Variants in TCF7L1 observed in about 807,000 individuals in gnomAD.
TCF7L1 encodes transcription factor 7 like 1, also known as transcription factor 7-like 1.
Under a neutral mutation model 63.7 loss-of-function variants are expected in TCF7L1, and 18 were observed. The observed-to-expected ratio is 0.28, with a 90% CI of 0.20 to 0.42. TCF7L1 has a LOEUF of 0.42. TCF7L1 is among the 10% of genes least tolerant of loss of function. The probability of loss-of-function intolerance (pLI) is 1.00; values close to 1 mark genes in which losing one functional copy is unlikely to be tolerated. For missense variants in TCF7L1, 654 were observed against 779.3 expected, an observed-to-expected ratio of 0.84 and a Z score of 1.91; for synonymous variants, 355 against 340.9, an observed-to-expected ratio of 1.04 and a Z score of -0.46.
intron 3 of TCF7L1, among the ~76,000 whole-genome samples, chr2:85,252,383 C>T (rs936427333): frequency 3.3e-5 from 5 of 152,200 alleles, no homozygotes; most frequent in Admixed American, 6.5e-5. Flanking sequence ...GCAGTTATAC[C>T]CTGTGATAAT....
chr2:85,189,114 GA>G (rs1175446493), intron 3 of TCF7L1, among the ~76,000 whole-genome samples: 3 of 152,244 alleles, frequency 2.0e-5, no homozygotes, highest in Non-Finnish European at 2.9e-5. Context: ...CCAACTGGTG[GA>G]GGCTGCCCTT....
chr2:85,143,738 C>T (rs1297042025), intron 3 of TCF7L1, among the ~76,000 whole-genome samples: 1 of 152,226 alleles, frequency 6.6e-6, no homozygotes. Flanking sequence ...AGAAGGGCAG[C>T]TGACCTTTGT....
At chr2:85,294,882 A>C (rs770040545) in intron 4 of TCF7L1, among the ~76,000 whole-genome samples, 14 of 151,912 alleles carry the variant, frequency 9.2e-5, no homozygotes, top group Non-Finnish European at 1.6e-4. Context: ...AAAATAAAAA[A>C]AATTAGCCGG....
intron 3 of TCF7L1, among the ~76,000 whole-genome samples, chr2:85,197,819 A>AG (rs1170382115): frequency 1.3e-5 from 2 of 152,202 alleles, no homozygotes; most frequent in African/African-American, 4.8e-5. Context: ...GGTTGTGCAG[A>AG]GTGGCCAGGG....
Position 85,134,377 on chromosome 2 carries a change from C to A in TCF7L1, c.368C>A (p.Pro123His). 6.3e-7 allele frequency: 1 copy of A among 1,578,370 alleles called. No homozygotes were observed. Residue 123 changes from proline (P) to histidine (H), a missense_variant, in exon 3 of 12, where the codon CCC becomes CAC. By Grantham distance (77) the Pro-to-His change is moderately conservative. This residue lies in a region of TCF7L1 where 404 missense variants were observed against 454.8 expected (regional missense o/e 0.89). Transcript: ENST00000282111. This position sits in a 1 kb window ranked among gnomAD's most constrained non-coding sequence, Gnocchi z 5.0. ...AAAGGACCCCCGTACCCTGGGTACC[C>A]CTTCCTGATGATCCCGGACCTGAGC... ...FFKGPPYPGY[P>H]FLMIPDLSSP... is the part of the protein sequence containing the mutation.
chr2:85,287,717 A>T (rs190102419), intron 4 of TCF7L1, among the ~76,000 whole-genome samples: 18 of 152,322 alleles, frequency 1.2e-4, no homozygotes, highest in Middle Eastern at 3.4e-3. Context: ...AATTCAACAG[A>T]TGGGGAGAAG....
At chr2:85,226,050 G>A (rs377468796) in intron 3 of TCF7L1, among the ~76,000 whole-genome samples, 26 of 152,100 alleles carry the variant, frequency 1.7e-4, no homozygotes, top group South Asian at 4.1e-4. Flanking sequence ...GGTTTTTGTC[G>A]TTGGTTCTGT....
intron 3 of TCF7L1, among the ~76,000 whole-genome samples, chr2:85,178,172 G>A (rs1318868997): frequency 6.6e-6 from 1 of 152,202 alleles, no homozygotes; most frequent in Non-Finnish European, 1.5e-5. Flanking sequence ...CTTTAGAGGG[G>A]AAAGGAGTAA....
intron 3 of TCF7L1, among the ~76,000 whole-genome samples, chr2:85,180,181 G>A (rs1295616622): frequency 1.3e-5 from 2 of 151,510 alleles, no homozygotes. Context: ...ATCTAGTATT[G>A]AGTTTCTAAA....
chr2:85,232,561 T>A (rs1680107894), intron 3 of TCF7L1, among the ~76,000 whole-genome samples: 1 of 152,132 alleles, frequency 6.6e-6, no homozygotes, highest in Non-Finnish European at 1.5e-5. Flanking sequence ...TGCATGATGA[T>A]CTTAAGTTTG....
At chr2:85,263,002 A>G (rs903259769) in intron 3 of TCF7L1, among the ~76,000 whole-genome samples, 1 of 152,162 alleles carries the variant, frequency 6.6e-6, no homozygotes, top group Non-Finnish European at 1.5e-5. Context: ...CATCTACATC[A>G]TGACAGTTGC....
rs1677515001 is a variant in TCF7L1 at position 85,133,721 on chromosome 2, G to A, written c.37G>A (p.Gly13Ser). 1 of 1,169,176 alleles carries A rather than the reference G, an allele frequency of 8.6e-7. No homozygotes were observed. The highest frequency in any genetic ancestry group is 4.2e-5 in the South Asian group (1 of 23,814). The allele number at this position is 1,169,176 out of a possible 1,614,324, so 72.4% of individuals were successfully genotyped here. A position where few individuals can be genotyped will look rare whatever the true frequency, so the allele number is the denominator to read the frequency against. Residue 13 changes from glycine (G) to serine (S), a missense_variant, in exon 1 of 12, where the codon GGC becomes AGC. Transcript: ENST00000282111. The surrounding 1 kb of genome is among the most constrained non-coding windows in gnomAD (Gnocchi z 4.4). ...QLGGGGGGGG[G>S]GSGGGGGSSA... is the part of the protein sequence containing the mutation. ...CGGCGGCGGGGGCGGCGGCGGCGGC[G>A]GCGGCAGCGGGGGAGGCGGCGGCTC...
chr2:85,254,189 G>A (rs6547605), intron 3 of TCF7L1, among the ~76,000 whole-genome samples: 152,409 of 152,410 alleles, frequency 1, 76,204 homozygotes, highest in Non-Finnish European at 1. Flanking sequence ...GCAAACCATC[G>A]GCCCCGCTCA....
At chr2:85,137,267 G>C (rs1677617401) in intron 3 of TCF7L1, among the ~76,000 whole-genome samples, 1 of 152,200 alleles carries the variant, frequency 6.6e-6, no homozygotes, top group Non-Finnish European at 1.5e-5. Context: ...CATAATTCCT[G>C]CTGAGACCAC....
At chr2:85,277,142 A>G (rs955617902) in intron 3 of TCF7L1, among the ~76,000 whole-genome samples, 1 of 151,688 alleles carries the variant, frequency 6.6e-6, no homozygotes, top group Non-Finnish European at 1.5e-5. Context: ...TTATCTCTTG[A>G]CCCCAGAAAC....
Position 85,180,461 on chromosome 2 carries a change from G to A in TCF7L1, c.441+46011G>A, listed in dbSNP as rs149190566. ...CCTCAGCCATCGCAGCCTCATGACG[G>A]CTACACCCCGCACATTATCATACCC... is the stretch of plus-strand genomic sequence containing the variant. On this transcript the variant is annotated intron_variant, in intron 3 of 11. Coordinates refer to ENST00000282111, the MANE Select transcript of TCF7L1 (RefSeq NM_031283.3). Among the ~76,000 whole-genome samples, 460 of 152,100 alleles carry A rather than the reference G, an allele frequency of 3.0e-3. 4 individuals carry two copies. The highest frequency in any genetic ancestry group is 3.7e-3 in the Admixed American group (57 of 15,270).
At chr2:85,206,868 A>G (rs1384639798) in intron 3 of TCF7L1, among the ~76,000 whole-genome samples, 1 of 152,272 alleles carries the variant, frequency 6.6e-6, no homozygotes, top group African/African-American at 2.4e-5. Context: ...AAGATAATCC[A>G]ATCTTTTAAG....
intron 3 of TCF7L1, among the ~76,000 whole-genome samples, chr2:85,258,918 G>A (rs1189298964): frequency 2.0e-5 from 3 of 152,182 alleles, no homozygotes; most frequent in Non-Finnish European, 2.9e-5. Context: ...ACATGAATAC[G>A]TTGGTTCTAG....
Position 85,309,827 on chromosome 2 carries a change from C to T in TCF7L1, c.*365C>T, listed in dbSNP as rs76642668. 1.3e-3 allele frequency: 282 copies of T among 217,514 alleles called. 5 individuals are homozygous for T. In the East Asian group the frequency reaches 0.026, roughly 20 times the overall value. 13.5% of individuals were successfully genotyped at this position (217,514 alleles called of 1,614,324 possible). A position where few individuals can be genotyped will look rare whatever the true frequency, so the allele number is the denominator to read the frequency against. On this transcript the variant is annotated 3_prime_UTR_variant, in exon 12 of 12. Transcript: ENST00000282111. ...CCCCTGCCGCCTGCCCCAGCTTCCC[C>T]GACTCCATCTGCAGCTCTGCCATTG...
Sources: allele counts gnomAD v4.1 joint callset (sites outside exome capture counted in the v4.1 genomes callset), GRCh38; gene constraint gnomAD v4.1.1; regional missense constraint gnomAD v4.1.1; non-coding constraint Gnocchi (gnomAD v3.1); transcripts MANE v1.5; gene names NCBI Gene and HGNC (gene_info 2026-07-23, HGNC 2026-07-21).